Variants in SCIN observed in about 807,000 individuals in gnomAD.
SCIN encodes the protein scinderin.
A neutral mutation model predicts 91.8 loss-of-function variants in SCIN; 91 were observed. That is an observed-to-expected ratio of 0.99 (90% CI 0.84 to 1.18). SCIN has a LOEUF of 1.18. SCIN is among the 50% of genes most tolerant of loss of function. The pLI, the probability that SCIN is intolerant of heterozygous loss-of-function variation, is 0.00. For missense variants in SCIN, 1,087 were observed against 863.9 expected, an observed-to-expected ratio of 1.26 and a Z score of -3.24; for synonymous variants, 367 against 312.6, an observed-to-expected ratio of 1.17 and a Z score of -1.84.
chr7:12,580,329 A>G (rs182921223), intron 2 of SCIN, among the ~76,000 whole-genome samples: 1 of 152,164 alleles, frequency 6.6e-6, no homozygotes, highest in East Asian at 1.9e-4. Flanking sequence ...AAATAATATA[A>G]GAAGATGTAG....
intron 4 of SCIN, among the ~76,000 whole-genome samples, chr7:12,605,263 G>GGA (rs1425592692): frequency 6.6e-6 from 1 of 152,108 alleles, no homozygotes; most frequent in Non-Finnish European, 1.5e-5. Flanking sequence ...ATGTTAGCCA[G>GGA]TGGTCCTGAT....
At position 12,626,773 on chromosome 7, in the gene SCIN, G is replaced by A. The variant is rs748854287; in HGVS notation, c.1171G>A (p.Val391Met). 22 of 1,610,014 alleles carry A rather than the reference G, an allele frequency of 1.4e-5. No homozygotes were observed. Among genetic ancestry groups the A allele is most frequent in the Non-Finnish European group, 1.8e-5 (21 of 1,178,100 alleles). The stretch of plus-strand genomic sequence containing the variant: ...GCAGATGGCAGCCCAGCACAATATG[G>A]TGGATGATGGTTCTGGCAAAGTGGA... The part of the protein sequence containing the change: ...SPQMAAQHNM[V>M]DDGSGKVEIW... The change falls in exon 8 of 16, where the codon GTG becomes ATG. Residue 391 changes from valine to methionine, a missense_variant. Coordinates refer to ENST00000297029, the MANE Select transcript of SCIN (RefSeq NM_001112706.3).
At chr7:12,633,319 T>G (rs1277952835) in intron 9 of SCIN, among the ~76,000 whole-genome samples, 1 of 152,202 alleles carries the variant, frequency 6.6e-6, no homozygotes, top group Non-Finnish European at 1.5e-5. Context: ...TAACTCCCAT[T>G]TTTACACAGC....
intron 3 of SCIN, among the ~76,000 whole-genome samples, chr7:12,583,840 A>C (rs1204528210): frequency 6.6e-6 from 1 of 152,134 alleles, no homozygotes; most frequent in Non-Finnish European, 1.5e-5. Context: ...TCATCTATTT[A>C]ATAGTAAATT....
In SCIN at chr7:12,579,594, G is replaced by T. The variant is rs571580535; in HGVS notation, c.354+1376G>T. 2.6e-4 allele frequency among the ~76,000 whole-genome samples: 39 copies of T among 152,254 alleles called. 1 individual carries two copies. The South Asian group carries it at 8.1e-3, about 32-fold the overall frequency. On this transcript the variant is annotated intron_variant, in intron 2 of 15. Coordinates refer to ENST00000297029, the MANE Select transcript of SCIN (RefSeq NM_001112706.3). ...ATATTATAACAGTTTCCTCATACAG[G>T]TGTTGTATTAAGGAATAAATTAAAT...
rs1784148390 is a variant in SCIN at position 12,655,322 on chromosome 7, A to G, written c.*2607A>G. ...ATCAACTGTATCTAGTACCCAAAAC[A>G]GATGAGTAACTTAGAAATTAATATG... is the stretch of plus-strand genomic sequence containing the variant. On this transcript the variant is annotated 3_prime_UTR_variant, in exon 16 of 16. Coordinates refer to ENST00000297029, the MANE Select transcript of SCIN (RefSeq NM_001112706.3). The G allele has an allele frequency of 1.3e-5, 2 of 152,258 alleles. No homozygotes were observed. Among genetic ancestry groups the G allele is most frequent in the African/African-American group, 4.8e-5 (2 of 41,474 alleles). 9.4% of individuals were successfully genotyped at this position (152,258 alleles called of 1,614,324 possible). A position where few individuals can be genotyped will look rare whatever the true frequency, so the allele number is the denominator to read the frequency against.
At chr7:12,648,295 CTTT>C (rs35618552) in intron 13 of SCIN, among the ~76,000 whole-genome samples, 15 of 133,622 alleles carry the variant, frequency 1.1e-4, no homozygotes, top group African/African-American at 4.0e-4. Flanking sequence ...CTCTCTCTCT[CTTT>C]TTTTTTTTTT....
Position 12,633,222 on chromosome 7 carries a change from CA to C in SCIN, c.1320-2813del, listed in dbSNP as rs879468115. Among the ~76,000 whole-genome samples the C allele has an allele frequency of 6.4e-3, 944 of 146,512 alleles. 7 individuals are homozygous for C. Among genetic ancestry groups the C allele is most frequent in the Non-Finnish European group, 9.5e-3 (631 of 66,470 alleles). On this transcript the variant is annotated intron_variant, in intron 9 of 15. Coordinates refer to ENST00000297029, the MANE Select transcript of SCIN (RefSeq NM_001112706.3). ...TCACTTGTATGCTGAAATGACAGGA[CA>C]AAAAAAAAATTCAGCAATGATATTT...
In SCIN at chr7:12,658,745, A is replaced by C. The variant is rs568202419; in HGVS notation, c.*6030A>C. The C allele has an allele frequency of 5.3e-5, 8 of 152,316 alleles. No homozygotes were observed. The highest frequency in any genetic ancestry group is 1.2e-4 in the Non-Finnish European group (8 of 68,036). The allele number at this position is 152,316 out of a possible 1,614,324, so 9.4% of individuals were successfully genotyped here. ...TGTGGGAAGGAGTCCTCAAGGTATT[A>C]ATATACATCCTATCATTTATTTTAG... On this transcript the variant is annotated 3_prime_UTR_variant, in exon 16 of 16. Coordinates refer to ENST00000297029, the MANE Select transcript of SCIN (RefSeq NM_001112706.3).
chr7:12,614,647 C>A (rs1196472390), intron 4 of SCIN, among the ~76,000 whole-genome samples: 1 of 152,130 alleles, frequency 6.6e-6, no homozygotes, highest in African/African-American at 2.4e-5. Flanking sequence ...CAGGCATTAG[C>A]CCTCAGAAGG....
chr7:12,637,821 A>G (rs916655571), intron 10 of SCIN, among the ~76,000 whole-genome samples: 14 of 151,370 alleles, frequency 9.2e-5, no homozygotes, highest in Non-Finnish European at 1.3e-4. Context: ...TAGTATATCT[A>G]TCTATCTAAC....
intron 4 of SCIN, among the ~76,000 whole-genome samples, chr7:12,612,554 G>T (rs1335896661): frequency 6.6e-6 from 1 of 152,022 alleles, no homozygotes; most frequent in South Asian, 2.1e-4. Flanking sequence ...GTATTACAGT[G>T]ATAAGGAGTA....
chr7:12,572,008 C>T (rs569491061), intron 1 of SCIN, among the ~76,000 whole-genome samples: 3 of 152,240 alleles, frequency 2.0e-5, no homozygotes, highest in East Asian at 1.9e-4. Flanking sequence ...TATCCCTGAG[C>T]TTAGGAGGAA....
At chr7:12,585,904 T>C (rs891394365) in intron 3 of SCIN, among the ~76,000 whole-genome samples, 2 of 152,210 alleles carry the variant, frequency 1.3e-5, no homozygotes, top group Admixed American at 6.5e-5. Flanking sequence ...TATTTTCTCA[T>C]CCTTTGATAT....
intron 4 of SCIN, among the ~76,000 whole-genome samples, chr7:12,614,975 T>C (rs560543900): frequency 6.6e-6 from 1 of 152,204 alleles, no homozygotes; most frequent in African/African-American, 2.4e-5. Flanking sequence ...ACTTTACAGA[T>C]GAGGAAACTG....
At position 12,654,882 on chromosome 7, in the gene SCIN, T is replaced by G. The variant is rs779793186; in HGVS notation, c.*2167T>G. Reference sequence around the variant, plus strand: ...GCAGGGTTTTAACCTGCCCAAAGGATGGAAAAAGAAGAACATAAGCATAAT... The same window carrying G: ...GCAGGGTTTTAACCTGCCCAAAGGAGGGAAAAAGAAGAACATAAGCATAAT... On this transcript the variant is annotated 3_prime_UTR_variant, in exon 16 of 16. Coordinates refer to ENST00000297029, the MANE Select transcript of SCIN (RefSeq NM_001112706.3). 1.3e-5 allele frequency: 2 copies of G among 152,112 alleles called. No homozygotes were observed. Among genetic ancestry groups the G allele is most frequent in the Non-Finnish European group, 2.9e-5 (2 of 67,992 alleles). 9.4% of individuals were successfully genotyped at this position (152,112 alleles called of 1,614,324 possible).
intron 4 of SCIN, among the ~76,000 whole-genome samples, chr7:12,618,209 A>G (rs769099090): frequency 2.0e-5 from 3 of 152,152 alleles, no homozygotes; most frequent in African/African-American, 4.8e-5. Context: ...AAAATGTAAA[A>G]TTCAGCTACT....
chr7:12,632,106 T>TTTATA (rs1783656114), intron 9 of SCIN, among the ~76,000 whole-genome samples: 1 of 141,316 alleles, frequency 7.1e-6, no homozygotes, highest in Non-Finnish European at 1.5e-5. Flanking sequence ...TTTATTTTAT[T>TTTATA]TTATTTTATT....
intron 10 of SCIN, among the ~76,000 whole-genome samples, chr7:12,638,645 A>G (rs771440442): frequency 1.9e-4 from 29 of 152,330 alleles, no homozygotes; most frequent in Non-Finnish European, 4.0e-4. Flanking sequence ...GAGAGAGGCA[A>G]GTTAGACACT....
Sources: gnomAD v4.1 joint callset for allele counts (sites outside exome capture counted in the v4.1 genomes callset) on GRCh38, gnomAD v4.1.1 for gene constraint, MANE v1.5 for transcripts, NCBI Gene and HGNC (gene_info 2026-07-23, HGNC 2026-07-21) for gene names.